CHN1: variants seen among roughly 807,000 people sequenced by gnomAD.
CHN1 encodes chimerin 1.
In CHN1, 37 loss-of-function variants were observed where a neutral mutation model predicts 59.5. The ratio of observed to expected loss-of-function variants is 0.62; its 90% CI spans 0.48 to 0.82. The LOEUF (loss-of-function observed/expected upper bound fraction) is 0.82, where lower values mean the gene tolerates loss of function less well. CHN1 is among the 40% of genes least tolerant of loss of function. CHN1 has a pLI of 0.00. For missense variants in CHN1, 469 were observed against 571.0 expected (o/e 0.82, Z 1.82); for synonymous variants, 206 against 200.4 (o/e 1.03, Z -0.24).
At chr2:174,834,875 C>T (rs765005953) in intron 7 of CHN1, among the ~76,000 whole-genome samples, 1 of 152,110 alleles carries the variant, frequency 6.6e-6, no homozygotes, top group Non-Finnish European at 1.5e-5. Flanking sequence ...TATAAAACCA[C>T]AAAACTATAA....
intron 5 of CHN1, among the ~76,000 whole-genome samples, 190 bp from the exon 6 acceptor site, chr2:174,878,318 G>A (rs1687636828): frequency 6.6e-6 from 1 of 152,130 alleles, no homozygotes; most frequent in South Asian, 2.1e-4. Flanking sequence ...CAAAGAATGA[G>A]CTTGCAATAA....
intron 1 of CHN1, among the ~76,000 whole-genome samples, chr2:174,997,657 T>G (rs1364647725): frequency 6.6e-6 from 1 of 152,118 alleles, no homozygotes; most frequent in African/African-American, 2.4e-5. Flanking sequence ...TAGCACCAAC[T>G]ACTTCAAAAC....
intron 7 of CHN1, among the ~76,000 whole-genome samples, chr2:174,845,830 G>A (rs368534442): frequency 4.6e-5 from 7 of 151,186 alleles, no homozygotes; most frequent in African/African-American, 1.5e-4. Flanking sequence ...AAATACTGGT[G>A]TTAAAAATCA....
chr2:174,799,769 T>A lies in CHN1; in HGVS notation c.*347A>T. The A allele has an allele frequency of 3.7e-6, 2 of 540,862 alleles. No individual in the cohort carries two copies. The highest frequency in any genetic ancestry group is 7.1e-6 in the Non-Finnish European group (2 of 281,106). 33.5% of individuals were successfully genotyped at this position (540,862 alleles called of 1,614,324 possible). A position where few individuals can be genotyped will look rare whatever the true frequency, so the allele number is the denominator to read the frequency against. ...CACAACAGGCTTACTCTGTGAAACA[T>A]GCTGGATTACAAGCACAGACTACCC... On this transcript the variant is annotated 3_prime_UTR_variant, in exon 13 of 13. Coordinates refer to ENST00000409900, the MANE Select transcript of CHN1 (RefSeq NM_001822.7).
At chr2:174,892,245 G>T (rs931647705) in intron 5 of CHN1, among the ~76,000 whole-genome samples, 1 of 152,220 alleles carries the variant, frequency 6.6e-6, no homozygotes, top group African/African-American at 2.4e-5. Context: ...TTGAATGTTT[G>T]TGTCCCCTGC....
chr2:174,819,975 C>T (rs965595281), intron 8 of CHN1, among the ~76,000 whole-genome samples: 1 of 151,656 alleles, frequency 6.6e-6, no homozygotes, highest in Non-Finnish European at 1.5e-5. Flanking sequence ...TCATCCATGT[C>T]CCTACAAAGG....
chr2:175,004,132 A>C (rs923955301), intron 1 of CHN1, among the ~76,000 whole-genome samples: 1 of 152,238 alleles, frequency 6.6e-6, no homozygotes, highest in Non-Finnish European at 1.5e-5. Context: ...GTACGTATGT[A>C]CCATAGTCGT....
intron 6 of CHN1, among the ~76,000 whole-genome samples, chr2:174,850,506 G>C (rs1162438008): frequency 6.6e-6 from 1 of 152,118 alleles, no homozygotes; most frequent in Admixed American, 6.6e-5. Flanking sequence ...ACAGGTTACT[G>C]GGAAGTTTAA....
At chr2:174,930,898 T>C (rs1689324506) in intron 3 of CHN1, among the ~76,000 whole-genome samples, 1 of 152,088 alleles carries the variant, frequency 6.6e-6, no homozygotes, top group South Asian at 2.1e-4. Flanking sequence ...CCCAAGTAGC[T>C]GGGACTACAG....
chr2:174,971,582 C>A (rs1217919110), intron 1 of CHN1, among the ~76,000 whole-genome samples: 1 of 152,168 alleles, frequency 6.6e-6, no homozygotes, highest in African/African-American at 2.4e-5. Flanking sequence ...TGAACACTTA[C>A]AATGTGCCAG....
intron 7 of CHN1, among the ~76,000 whole-genome samples, chr2:174,836,327 T>C (rs1686076469): frequency 6.6e-6 from 1 of 152,238 alleles, no homozygotes; most frequent in African/African-American, 2.4e-5. Flanking sequence ...GATGGGAAGG[T>C]AAATGTAGTT....
chr2:174,975,155 A>G (rs920463890), intron 1 of CHN1, among the ~76,000 whole-genome samples: 1 of 152,186 alleles, frequency 6.6e-6, no homozygotes, highest in African/African-American at 2.4e-5. Context: ...TGACACAATC[A>G]TAATTAAGCT....
chr2:174,954,056 T>TA (rs1558995999), intron 1 of CHN1, among the ~76,000 whole-genome samples: 2 of 152,162 alleles, frequency 1.3e-5, no homozygotes, highest in Non-Finnish European at 2.9e-5. Context: ...TATAAGGCCA[T>TA]AGTTACCAAA....
At chr2:174,932,214 C>T (rs1229611034) in intron 3 of CHN1, among the ~76,000 whole-genome samples, 1 of 152,168 alleles carries the variant, frequency 6.6e-6, no homozygotes, top group Non-Finnish European at 1.5e-5. Context: ...TAACTAGACA[C>T]AACAGAAGTT....
intron 1 of CHN1, among the ~76,000 whole-genome samples, chr2:174,978,613 C>A (rs1057485781): frequency 1.3e-5 from 2 of 152,204 alleles, no homozygotes; most frequent in Admixed American, 6.5e-5. Flanking sequence ...TTTGTAAATA[C>A]TAATTCCAGG....
At chr2:174,900,147 G>A (rs1688342616) in intron 5 of CHN1, among the ~76,000 whole-genome samples, 1 of 152,082 alleles carries the variant, frequency 6.6e-6, no homozygotes, top group Non-Finnish European at 1.5e-5. Context: ...AATTATTGGT[G>A]GATAAACAAG....
chr2:174,842,766 AG>A (rs1574078863), intron 7 of CHN1, among the ~76,000 whole-genome samples: 1 of 152,196 alleles, frequency 6.6e-6, no homozygotes, highest in Non-Finnish European at 1.5e-5. Context: ...TTTTCCTAGT[AG>A]GTCTTGAATC....
intron 4 of CHN1, among the ~76,000 whole-genome samples, chr2:174,917,382 C>T (rs1688877944): frequency 1.3e-5 from 2 of 151,656 alleles, no homozygotes; most frequent in South Asian, 2.1e-4. Context: ...TATAGTGAAC[C>T]GAGATCGCAC....
At chr2:174,850,471 T>C (rs1686692500) in intron 6 of CHN1, among the ~76,000 whole-genome samples, 1 of 152,264 alleles carries the variant, frequency 6.6e-6, no homozygotes, top group Non-Finnish European at 1.5e-5. Context: ...CTCATCTACA[T>C]AATATGAATA....
Sources: allele counts gnomAD v4.1 joint callset (sites outside exome capture counted in the v4.1 genomes callset), GRCh38; gene constraint gnomAD v4.1.1; transcripts MANE v1.5; gene names NCBI Gene and HGNC (gene_info 2026-07-23, HGNC 2026-07-21).